TRMT11: variants seen among roughly 807,000 people sequenced by gnomAD.
TRMT11 encodes the protein tRNA methyltransferase 11, also known as tRNA (guanine(10)-N(2))-methyltransferase TRMT11.
A neutral mutation model predicts 62.8 loss-of-function variants in TRMT11; 53 were observed. That is an observed-to-expected ratio of 0.84 (90% CI 0.68 to 1.06). The LOEUF is 1.06. TRMT11 is among the 50% of genes least tolerant of loss of function. TRMT11 has a pLI of 0.00. For synonymous variants in TRMT11, 188 were observed against 190.3 expected (o/e 0.99, Z 0.10); for missense variants, 556 against 553.4 (o/e 1.00, Z -0.05).
intron 1 of TRMT11, among the ~76,000 whole-genome samples, chr6:126,187,297 T>C (rs1778538157): frequency 6.6e-6 from 1 of 151,996 alleles, no homozygotes; most frequent in African/African-American, 2.4e-5. Flanking sequence ...AAATAGTCAA[T>C]TGAATTGTTA....
chr6:126,258,440 C>T, the TRMT11 span: 17 of 316,834 alleles, frequency 5.4e-5, no homozygotes, highest in Admixed American at 2.5e-4. Flanking sequence ...CTGCTGGCTC[C>T]GCTCTGCGCA....
At chr6:126,103,208 A>G (rs914902848) in intron 17 of TRMT11, among the ~76,000 whole-genome samples, 3 of 152,228 alleles carry the variant, frequency 2.0e-5, no homozygotes, top group African/African-American at 7.2e-5. Flanking sequence ...AAATGGTCCT[A>G]CGCTAATTCT....
chr6:126,096,146 A>G (rs2128173322), intron 17 of TRMT11, among the ~76,000 whole-genome samples: 1 of 152,194 alleles, frequency 6.6e-6, no homozygotes, highest in South Asian at 2.1e-4. Context: ...TTTTTCTTGG[A>G]AGGTAACTTG....
At chr6:126,052,304 C>T (rs1425701810) in intron 16 of TRMT11, among the ~76,000 whole-genome samples, 2 of 152,242 alleles carry the variant, frequency 1.3e-5, no homozygotes, top group Non-Finnish European at 2.9e-5. Flanking sequence ...CGCAGGCTGC[C>T]GCTGTTTGGG....
At chr6:126,251,410 T>TTGTAGTATATAA in the TRMT11 span, among the ~76,000 whole-genome samples, 2 of 152,166 alleles carry the variant, frequency 1.3e-5, no homozygotes, top group Non-Finnish European at 2.9e-5. Context: ...TATGCATACA[T>TTGTAGTATATAA]TGTAGTATGA....
intron 7 of TRMT11, among the ~76,000 whole-genome samples, chr6:126,002,436 C>T (rs984164001): frequency 3.3e-5 from 5 of 152,062 alleles, no homozygotes; most frequent in African/African-American, 1.2e-4. Flanking sequence ...TTTCCTCATT[C>T]CTATATCTGA....
chr6:126,263,215 T>A, the TRMT11 span, among the ~76,000 whole-genome samples: 2 of 152,184 alleles, frequency 1.3e-5, no homozygotes, highest in Admixed American at 1.3e-4. Context: ...TGCTCTTGGG[T>A]TTCCATATAG....
chr6:126,235,004 C>T, the TRMT11 span, among the ~76,000 whole-genome samples: 24 of 151,988 alleles, frequency 1.6e-4, no homozygotes, highest in Admixed American at 1.6e-3. Flanking sequence ...TTGAAATTTA[C>T]AAGGAATAAT....
At chr6:126,262,336 T>G in the TRMT11 span, among the ~76,000 whole-genome samples, 1 of 152,198 alleles carries the variant, frequency 6.6e-6, no homozygotes, top group East Asian at 1.9e-4. Context: ...AGCTGCATGG[T>G]AGTATTCTCA....
chr6:126,104,476 T>G (rs551278839), intron 17 of TRMT11, among the ~76,000 whole-genome samples: 1 of 152,250 alleles, frequency 6.6e-6, no homozygotes, highest in South Asian at 2.1e-4. Flanking sequence ...CTGTGAAGAA[T>G]GGATGGACCA....
the TRMT11 span, among the ~76,000 whole-genome samples, chr6:126,214,295 G>A: frequency 6.6e-6 from 1 of 152,000 alleles, no homozygotes; most frequent in African/African-American, 2.4e-5. Flanking sequence ...TTTCAGAATA[G>A]TTTATGTAGA....
downstream of TRMT11, among the ~76,000 whole-genome samples, chr6:126,205,332 C>T (rs564017886): frequency 3.3e-5 from 5 of 152,154 alleles, no homozygotes; most frequent in African/African-American, 9.6e-5. Flanking sequence ...GTGAAACCCC[C>T]GTCTCTAATA....
intron 21 of TRMT11, among the ~76,000 whole-genome samples, chr6:126,138,239 T>C (rs1777875449): frequency 6.6e-6 from 1 of 151,944 alleles, no homozygotes; most frequent in African/African-American, 2.4e-5. Flanking sequence ...TGTACAACTG[T>C]GATATAGCAA....
intron 21 of TRMT11, among the ~76,000 whole-genome samples, chr6:126,126,144 C>T (rs1324901302): frequency 6.6e-6 from 1 of 151,988 alleles, no homozygotes; most frequent in African/African-American, 2.4e-5. Context: ...AAGTTTTCCA[C>T]CTGCTTTAGA....
At chr6:126,002,348 C>T (rs1431779526) in intron 7 of TRMT11, among the ~76,000 whole-genome samples, 1 of 152,146 alleles carries the variant, frequency 6.6e-6, no homozygotes, top group Non-Finnish European at 1.5e-5. Flanking sequence ...TTCCTTTTGA[C>T]TACCCTATTC....
chr6:126,067,187 G>A (rs1776717676), intron 17 of TRMT11, among the ~76,000 whole-genome samples: 1 of 146,728 alleles, frequency 6.8e-6, no homozygotes. Context: ...GCGACAGAGT[G>A]AGACTCCTTC....
At chr6:126,092,060 T>C (rs1166518162) in intron 17 of TRMT11, among the ~76,000 whole-genome samples, 1 of 152,250 alleles carries the variant, frequency 6.6e-6, no homozygotes, top group South Asian at 2.1e-4. Flanking sequence ...TTTAAGGAGC[T>C]GTTCGAGAAA....
intron 7 of TRMT11, among the ~76,000 whole-genome samples, chr6:126,004,110 A>G (rs1259831351): frequency 1.3e-5 from 2 of 152,098 alleles, no homozygotes; most frequent in African/African-American, 2.4e-5. Context: ...TTTTAGATAT[A>G]TACATGTAGA....
intron 21 of TRMT11, among the ~76,000 whole-genome samples, chr6:126,147,211 A>G (rs773637706): frequency 1.3e-5 from 2 of 152,188 alleles, no homozygotes; most frequent in Non-Finnish European, 2.9e-5. Context: ...ACAAAAGACT[A>G]TAGAGTTTTA....
Sources: allele counts gnomAD v4.1 joint callset (sites outside exome capture counted in the v4.1 genomes callset), GRCh38; gene constraint gnomAD v4.1.1; transcripts MANE v1.5; gene names NCBI Gene and HGNC (gene_info 2026-07-23, HGNC 2026-07-21).